The following HLA-DRB5 variants were observed in gnomAD, a reference collection of about 807,000 sequenced individuals.
HLA-DRB5 encodes major histocompatibility complex, class II, DR beta 5.
HLA-DRB5 carries 11 observed loss-of-function variants against 22.4 expected under a neutral mutation model. The observed-to-expected ratio is 0.49, with a 90% CI of 0.31 to 0.81. HLA-DRB5 has a LOEUF of 0.81. HLA-DRB5 is among the 40% of genes least tolerant of loss of function. The probability of loss-of-function intolerance (pLI) is 0.05; values close to 1 mark genes in which losing one functional copy is unlikely to be tolerated. For synonymous variants in HLA-DRB5, 57 were observed against 106.0 expected (o/e 0.54, Z 2.84); for missense variants, 106 against 274.4 (o/e 0.39, Z 4.34).
rs749189559 is a variant in HLA-DRB5 at position 32,530,185 on chromosome 6, T to TGC, written c.39_40insGC (p.Lys14AlafsTer3). On this transcript the variant is annotated frameshift_variant, in exon 1 of 6. Transcript: ENST00000374975. LOFTEE classifies it high-confidence loss of function. ...AGCACCATCAGTGTCACTGTCAGCT[T>TGC]TGCCATGTAGGAACCTCCAGGGAGC... 139,825 of 1,237,340 alleles carry TGC rather than the reference T, an allele frequency of 0.11. 6,900 individuals are homozygous for TGC. The highest frequency in any genetic ancestry group is 0.13 in the African/African-American group (6,019 of 47,432). The allele number at this position is 1,237,340 out of a possible 1,614,324, so 76.6% of individuals were successfully genotyped here.
chr6:32,522,018 T>G lies in HLA-DRB5; in HGVS notation c.257A>C (p.Asp86Ala), dbSNP rs144532965. The G allele has an allele frequency of 4.5e-4, 550 of 1,214,886 alleles. 94 individuals are homozygous for G. Among genetic ancestry groups the G allele is most frequent in the South Asian group, 2.5e-3 (193 of 76,682 alleles). The allele number at this position is 1,214,886 out of a possible 1,614,324, so 75.3% of individuals were successfully genotyped here. A position where few individuals can be genotyped will look rare whatever the true frequency, so the allele number is the denominator to read the frequency against. Reference sequence around the variant, plus strand: ...CTTCTGGCTGTTCCAGTACTCAGCGTCAGGCCGCCCCAGCTCCGTCACCGC... The same window carrying G: ...CTTCTGGCTGTTCCAGTACTCAGCGGCAGGCCGCCCCAGCTCCGTCACCGC... ...YRAVTELGRP[D>A]AEYWNSQKDF... Residue 86 changes from aspartate (D) to alanine (A), a missense_variant, in exon 2 of 6, where the codon GAC becomes GCC. Coordinates refer to ENST00000374975, the MANE Select transcript of HLA-DRB5 (RefSeq NM_002125.4).
At chr6:32,519,905 A>G (rs1440764083) in intron 2 of HLA-DRB5, among the ~76,000 whole-genome samples, 1 of 97,536 alleles carries the variant, frequency 1.0e-5, no homozygotes, top group Non-Finnish European at 2.2e-5. Context: ...CAAAGTGTTT[A>G]CAAGTCTTTG....
intron 3 of HLA-DRB5, among the ~76,000 whole-genome samples, 153 bp from the exon 4 acceptor site, chr6:32,518,819 A>G (rs112696151): frequency 0.13 from 10,297 of 76,960 alleles, 66 homozygotes; most frequent in East Asian, 0.16. Context: ...AAGGTTTTCA[A>G]ATCACACTGA....
intron 1 of HLA-DRB5, among the ~76,000 whole-genome samples, chr6:32,523,751 A>G (rs189768339): frequency 0.017 from 1,487 of 89,542 alleles, no homozygotes; most frequent in East Asian, 0.028. Context: ...CTTTTGCATA[A>G]TGAAGCAAGC....
chr6:32,524,595 G>GTA (rs1198698326), intron 1 of HLA-DRB5, among the ~76,000 whole-genome samples: 101 of 89,484 alleles, frequency 1.1e-3, no homozygotes, highest in Admixed American at 1.9e-3. Context: ...ACTTTGTGTA[G>GTA]AGACCTTCAC....
chr6:32,518,970 C>T (rs146609292), intron 3 of HLA-DRB5, among the ~76,000 whole-genome samples: 24 of 89,574 alleles, frequency 2.7e-4, no homozygotes, highest in East Asian at 6.6e-4. Flanking sequence ...TAATAAAAGG[C>T]AGAGCTGATA....
At chr6:32,526,149 A>AAGGATCCAATCC (rs1769602524) in intron 1 of HLA-DRB5, among the ~76,000 whole-genome samples, 2 of 99,344 alleles carry the variant, frequency 2.0e-5, no homozygotes, top group Non-Finnish European at 4.1e-5. Flanking sequence ...TCGCTCTTCA[A>AAGGATCCAATCC]ATGGTCCAAT....
intron 1 of HLA-DRB5, among the ~76,000 whole-genome samples, chr6:32,525,796 G>A (rs1428725300): frequency 7.2e-6 from 1 of 139,520 alleles, no homozygotes; most frequent in Non-Finnish European, 1.6e-5. Flanking sequence ...ACTGCAAAAT[G>A]TTACATGGCA....
rs1401811100 is a variant in HLA-DRB5 at position 32,524,915 on chromosome 6, A to G, written c.101-2741T>C. Among the ~76,000 whole-genome samples, 80 of 28,580 alleles carry G rather than the reference A, an allele frequency of 2.8e-3. 6 individuals carry two copies. The highest frequency in any genetic ancestry group is 4.0e-3 in the South Asian group (5 of 1,244). 18.7% of individuals were successfully genotyped at this position (28,580 alleles called of 152,430 possible). ...TAACTAGGAACCTGTTTGTTATCTG[A>G]CAACCCTAGCCAGACTTGCTAGTCA... On this transcript the variant is annotated intron_variant, in intron 1 of 5. Transcript: ENST00000374975.
chr6:32,522,051 TC>T lies in HLA-DRB5; in HGVS notation c.223del (p.Glu75SerfsTer5). 6.4e-7 allele frequency: 1 copy of T among 1,561,836 alleles called. No individual in the cohort carries two copies. The highest frequency in any genetic ancestry group is 8.7e-7 in the Non-Finnish European group (1 of 1,146,180). ...CCCCAGCTCCGTCACCGCCCGGTAC[TC>T]CCCCACGTCGCTGTCGAAGCGCAAG... ...EDLRFDSDVG[E>X]YRAVTELGRP... On this transcript the variant is annotated frameshift_variant, in exon 2 of 6. Transcript: ENST00000374975. LOFTEE classifies it high-confidence loss of function.
chr6:32,521,465 C>T (rs1768855912), intron 2 of HLA-DRB5, among the ~76,000 whole-genome samples: 1 of 123,856 alleles, frequency 8.1e-6, no homozygotes, highest in Non-Finnish European at 1.7e-5. Context: ...GAACTGGCCT[C>T]CTCATATTAT....
chr6:32,518,945 C>G (rs1284610361), intron 3 of HLA-DRB5, among the ~76,000 whole-genome samples: 3 of 85,772 alleles, frequency 3.5e-5, no homozygotes, highest in Non-Finnish European at 4.9e-5. Flanking sequence ...AATAGTTTGT[C>G]TAGAGTGACA....
intron 1 of HLA-DRB5, among the ~76,000 whole-genome samples, chr6:32,523,093 G>T (rs566929862): frequency 0.68 from 45,941 of 67,246 alleles, 18,412 homozygotes; most frequent in Middle Eastern, 0.87. Flanking sequence ...GTTAGGATCT[G>T]AGATTTATGC....
Position 32,522,957 on chromosome 6 carries a change from A to AC in HLA-DRB5, c.101-784_101-783insG, listed in dbSNP as rs1404900162. ...GGAAATACCATGCACAAAAGCTTGA[A>AC]TTGATGAACTTCTTCAAGAAACTAG... On this transcript the variant is annotated intron_variant, in intron 1 of 5. Coordinates refer to ENST00000374975, the MANE Select transcript of HLA-DRB5 (RefSeq NM_002125.4). Among the ~76,000 whole-genome samples, 31 of 125,276 alleles carry AC rather than the reference A, an allele frequency of 2.5e-4. 2 individuals are homozygous for AC. Among genetic ancestry groups the AC allele is most frequent in the Admixed American group, 2.5e-4 (3 of 12,222 alleles). The allele number at this position is 125,276 out of a possible 152,430, so 82.2% of individuals were successfully genotyped here. A position where few individuals can be genotyped will look rare whatever the true frequency, so the allele number is the denominator to read the frequency against.
Position 32,522,074 on chromosome 6 carries a change from C to G in HLA-DRB5, c.201G>C (p.Leu67Phe). The part of the protein sequence containing the change: ...HRDIYNQEED[L>F]RFDSDVGEYR... ...ACTCCCCCACGTCGCTGTCGAAGCG[C>G]AAGTCCTCCTCTTGGTTATAGATGT... is the stretch of plus-strand genomic sequence containing the variant. The change falls in exon 2 of 6, where the codon TTG (leucine) becomes TTC (phenylalanine). Residue 67 changes from leucine to phenylalanine, a missense_variant. Coordinates refer to ENST00000374975, the MANE Select transcript of HLA-DRB5 (RefSeq NM_002125.4). 7 of 1,484,416 alleles carry G rather than the reference C, an allele frequency of 4.7e-6. No homozygotes were observed. The highest frequency in any genetic ancestry group is 6.5e-6 in the Non-Finnish European group (7 of 1,084,884). The allele number at this position is 1,484,416 out of a possible 1,614,324, so 92.0% of individuals were successfully genotyped here.
intron 1 of HLA-DRB5, among the ~76,000 whole-genome samples, chr6:32,526,069 C>T (rs796579914): frequency 0.044 from 4,344 of 99,322 alleles, 11 homozygotes; most frequent in East Asian, 0.062. Context: ...GCTCCCTGAA[C>T]CCAGAGCACA....
At chr6:32,520,377 G>A (rs1480591836) in intron 2 of HLA-DRB5, among the ~76,000 whole-genome samples, 807 of 64,072 alleles carry the variant, frequency 0.013, no homozygotes, top group South Asian at 0.019. Flanking sequence ...TTGTGCCCCT[G>A]GGAAGGTAGG....
At chr6:32,521,406 C>A (rs116032568) in intron 2 of HLA-DRB5, among the ~76,000 whole-genome samples, 38 of 75,532 alleles carry the variant, frequency 5.0e-4, no homozygotes, top group Admixed American at 9.0e-4. Context: ...AAACACCACA[C>A]ACTTTTATTT....
chr6:32,523,581 T>A (rs72508443), intron 1 of HLA-DRB5, among the ~76,000 whole-genome samples: 1 of 41,710 alleles, frequency 2.4e-5, no homozygotes. Flanking sequence ...TTGTGACTTA[T>A]AAGGGCAAGT....
Sources: allele counts gnomAD v4.1 joint callset (sites outside exome capture counted in the v4.1 genomes callset), GRCh38; gene constraint gnomAD v4.1.1; transcripts MANE v1.5; gene names NCBI Gene and HGNC (gene_info 2026-07-23, HGNC 2026-07-21).